The following PCDHGA8 variants were observed in gnomAD, a reference collection of about 807,000 sequenced individuals.
The protein encoded by PCDHGA8 is protocadherin gamma subfamily A, 8, also known as protocadherin gamma-A8.
Under a neutral mutation model 59.2 loss-of-function variants are expected in PCDHGA8, and 45 were observed. The observed-to-expected ratio is 0.76, with a 90% CI of 0.60 to 0.98. The LOEUF (loss-of-function observed/expected upper bound fraction) is 0.98, where lower values mean the gene tolerates loss of function less well. Ranked by LOEUF, PCDHGA8 falls within the 50% of genes least tolerant of loss-of-function variation. The pLI, the probability that PCDHGA8 is intolerant of heterozygous loss-of-function variation, is 0.00. For missense variants in PCDHGA8, 1,257 were observed against 1,196.2 expected (o/e 1.05, Z -0.75); for synonymous variants, 531 against 519.0 (o/e 1.02, Z -0.32).
At chr5:141,409,050 G>C (rs371257178) in intron 1 of PCDHGA8, 1 of 1,613,988 alleles carries the variant, frequency 6.2e-7, no homozygotes. Context: ...TACTTCCGAA[G>C]CACTGCCCAG....
chr5:141,455,492 T>G (rs958076901), intron 1 of PCDHGA8, among the ~76,000 whole-genome samples: 10 of 152,188 alleles, frequency 6.6e-5, no homozygotes, highest in Non-Finnish European at 1.2e-4. Context: ...GGAGGTGATG[T>G]CTGATTTGCA....
At chr5:141,450,829 ATT>A (rs373424450) in intron 1 of PCDHGA8, among the ~76,000 whole-genome samples, 3 of 135,116 alleles carry the variant, frequency 2.2e-5, no homozygotes, top group African/African-American at 2.7e-5. Flanking sequence ...TATTATTATT[ATT>A]TTTTTTTTTT....
chr5:141,414,067 C>G (rs998058224), intron 1 of PCDHGA8: 1 of 1,607,570 alleles, frequency 6.2e-7, no homozygotes, highest in Non-Finnish European at 8.5e-7. Flanking sequence ...GAAGTTCCAA[C>G]TAAACAAATA....
intron 1 of PCDHGA8, chr5:141,415,086 G>A (rs769093571): frequency 3.1e-6 from 5 of 1,613,554 alleles, no homozygotes; most frequent in South Asian, 1.1e-5. Flanking sequence ...GAGCCCTGCT[G>A]GACAGAGACG....
Position 141,467,771 on chromosome 5 carries a change from A to G in PCDHGA8, c.2425-27036A>G, listed in dbSNP as rs542500016. Among the ~76,000 whole-genome samples, 11 of 151,422 alleles carry G rather than the reference A, an allele frequency of 7.3e-5. No individual in the cohort carries two copies. The South Asian group carries it at 2.3e-3, about 32-fold the overall frequency. On this transcript the variant is annotated intron_variant, in intron 1 of 3. Transcript: ENST00000398604. Reference sequence around the variant, plus strand: ...CCGCCTCACATGCTCAAGTGCCCGCACCTCAGCCTCTCAAGTAGCTGGGAC... The same window carrying G: ...CCGCCTCACATGCTCAAGTGCCCGCGCCTCAGCCTCTCAAGTAGCTGGGAC...
At position 141,432,587 on chromosome 5, in the gene PCDHGA8, A is replaced by G. The variant is rs1344597432; in HGVS notation, c.2424+37350A>G. 5 of 1,613,132 alleles carry G rather than the reference A, an allele frequency of 3.1e-6. No homozygotes were observed. In the East Asian group the frequency reaches 8.9e-5, roughly 29 times the overall value. ...CGCCTGGCTGTCCTACCGTCTGCTC[A>G]AGGCCAGCGAGCCGGGACTCTTCTC... On this transcript the variant is annotated intron_variant, in intron 1 of 3. Transcript: ENST00000398604. This position sits in a 1 kb window ranked among gnomAD's most constrained non-coding sequence, Gnocchi z 6.0.
intron 1 of PCDHGA8, among the ~76,000 whole-genome samples, chr5:141,397,772 A>G (rs1352118170): frequency 6.6e-6 from 1 of 152,238 alleles, no homozygotes; most frequent in Non-Finnish European, 1.5e-5. Context: ...TATTAAGTAT[A>G]TGGACGTAAA....
intron 1 of PCDHGA8, chr5:141,418,417 T>C: frequency 6.2e-7 from 1 of 1,614,002 alleles, no homozygotes; most frequent in Non-Finnish European, 8.5e-7. Flanking sequence ...AAGACAATCC[T>C]GATGGTGGCA....
Position 141,410,674 on chromosome 5 carries a change from A to G in PCDHGA8, c.2424+15437A>G. 3.2e-6 allele frequency: 5 copies of G among 1,551,418 alleles called. No homozygotes were observed. In the South Asian group the frequency reaches 3.6e-5, roughly 11 times the overall value. On this transcript the variant is annotated intron_variant, in intron 1 of 3. Coordinates refer to ENST00000398604, the MANE Select transcript of PCDHGA8 (RefSeq NM_032088.2). ...ATCTAATAGTCTACTAGTTTCTCATATTTTAGGCATACTACTTTATTTTCA... is the reference window on the plus strand; with the variant it reads ...ATCTAATAGTCTACTAGTTTCTCATGTTTTAGGCATACTACTTTATTTTCA...
At chr5:141,405,140 G>A in intron 1 of PCDHGA8, 1 of 1,614,072 alleles carries the variant, frequency 6.2e-7, no homozygotes, top group Non-Finnish European at 8.5e-7. Flanking sequence ...GGCTACCAGT[G>A]ATGGGTTGGC....
At chr5:141,398,416 G>A (rs2093654818) in intron 1 of PCDHGA8, 3 of 1,496,580 alleles carry the variant, frequency 2.0e-6, no homozygotes, top group South Asian at 1.1e-5. Flanking sequence ...GGAGATATGC[G>A]GGAAGAAGCC....
At chr5:141,400,777 T>G (rs2094073733) in intron 1 of PCDHGA8, 1 of 565,634 alleles carries the variant, frequency 1.8e-6, no homozygotes. Context: ...ATTTGGTGCG[T>G]TTTTTTGTCC....
chr5:141,413,002 G>A, intron 1 of PCDHGA8: 2 of 597,506 alleles, frequency 3.3e-6, no homozygotes, highest in East Asian at 3.0e-5. Context: ...GGATTCTCAG[G>A]GCTTCAACTA....
intron 3 of PCDHGA8, among the ~76,000 whole-genome samples, chr5:141,506,454 A>G (rs2099853946): frequency 6.6e-6 from 1 of 151,844 alleles, no homozygotes; most frequent in African/African-American, 2.4e-5. Context: ...CAAAAAAAAA[A>G]AAAAAAAAAA....
In PCDHGA8 at chr5:141,477,377, C is replaced by A. The variant is rs1456451105; in HGVS notation, c.2425-17430C>A. On this transcript the variant is annotated intron_variant, in intron 1 of 3. Coordinates refer to ENST00000398604, the MANE Select transcript of PCDHGA8 (RefSeq NM_032088.2). This position sits in a 1 kb window ranked among gnomAD's most constrained non-coding sequence, Gnocchi z 4.9. ...TGCAGACCTGGATCGGGAGACTGTG[C>A]CAGAATACAACCTCAGCATCACCGC... 1.2e-6 allele frequency: 2 copies of A among 1,614,026 alleles called. No homozygotes were observed. The highest frequency in any genetic ancestry group is 1.7e-6 in the Non-Finnish European group (2 of 1,180,032).
rs2154555227 is a variant in PCDHGA8, at chr5:141,432,737, C to G, written c.2424+37500C>G. ...GCCCCCTCTCTCCGCCACTGTCACG[C>G]TCACCGTGGCCGTGGCCGACAGCAT... On this transcript the variant is annotated intron_variant, in intron 1 of 3. Coordinates refer to ENST00000398604, the MANE Select transcript of PCDHGA8 (RefSeq NM_032088.2). This position sits in a 1 kb window ranked among gnomAD's most constrained non-coding sequence, Gnocchi z 6.0. 6.2e-7 allele frequency: 1 copy of G among 1,614,110 alleles called. No homozygotes were observed. The highest frequency in any genetic ancestry group is 8.5e-7 in the Non-Finnish European group (1 of 1,180,002).
At chr5:141,461,178 G>A (rs2154567263) in intron 1 of PCDHGA8, among the ~76,000 whole-genome samples, 1 of 152,144 alleles carries the variant, frequency 6.6e-6, no homozygotes, top group East Asian at 1.9e-4. Context: ...TGGATTGAAT[G>A]GTAGATCTGT....
intron 1 of PCDHGA8, chr5:141,426,793 A>G: frequency 2.2e-6 from 1 of 456,734 alleles, no homozygotes; most frequent in South Asian, 1.5e-5. Context: ...CAGAGTTACC[A>G]GCTCAGTTCT....
At chr5:141,442,759 A>G (rs2098341868) in intron 1 of PCDHGA8, among the ~76,000 whole-genome samples, 1 of 152,152 alleles carries the variant, frequency 6.6e-6, no homozygotes, top group Non-Finnish European at 1.5e-5. Flanking sequence ...GATTATATAT[A>G]TTTGTATGTG....
Sources: allele counts gnomAD v4.1 joint callset (sites outside exome capture counted in the v4.1 genomes callset), GRCh38; gene constraint gnomAD v4.1.1; non-coding constraint Gnocchi (gnomAD v3.1); transcripts MANE v1.5; gene names NCBI Gene and HGNC (gene_info 2026-07-23, HGNC 2026-07-21).